PALLD: variants seen among roughly 807,000 people sequenced by gnomAD.
PALLD encodes palladin, cytoskeletal associated protein, also known as palladin.
Under a neutral mutation model 123.5 loss-of-function variants are expected in PALLD, and 61 were observed. The observed-to-expected ratio is 0.49, with a 90% CI of 0.40 to 0.61. PALLD has a LOEUF of 0.61. Ranked by LOEUF, PALLD falls within the 20% of genes least tolerant of loss-of-function variation. The probability of loss-of-function intolerance (pLI) is 0.00; values close to 1 mark genes in which losing one functional copy is unlikely to be tolerated. For synonymous variants in PALLD, 465 were observed against 496.4 expected, an observed-to-expected ratio of 0.94 and a Z score of 0.84; for missense variants, 1,273 against 1,377.0, an observed-to-expected ratio of 0.92 and a Z score of 1.20.
chr4:168,607,328 C>CA (rs1298536919), intron 2 of PALLD, among the ~76,000 whole-genome samples: 1 of 152,162 alleles, frequency 6.6e-6, no homozygotes, highest in African/African-American at 2.4e-5. Context: ...TATTAAAAAA[C>CA]AAACAATGAC....
chr4:168,649,026 A>G (rs1476421867), intron 2 of PALLD: 1 of 152,192 alleles, frequency 6.6e-6, no homozygotes, highest in Non-Finnish European at 1.5e-5. Context: ...GACTTCTTTT[A>G]CTTCTTCAAG....
At chr4:168,612,254 CAA>C (rs5863950) in intron 2 of PALLD, among the ~76,000 whole-genome samples, 17,983 of 127,054 alleles carry the variant, frequency 0.14, 1,137 homozygotes, top group African/African-American at 0.18. Context: ...TCTAGGTTTA[CAA>C]AAAAAAAAAA....
At chr4:168,815,242 T>G (rs1741739050) in intron 10 of PALLD, among the ~76,000 whole-genome samples, 1 of 152,258 alleles carries the variant, frequency 6.6e-6, no homozygotes, top group Non-Finnish European at 1.5e-5. Flanking sequence ...ATCATTTTCT[T>G]TTAGCAGAAT....
chr4:168,814,062 A>G (rs188567223), intron 10 of PALLD, among the ~76,000 whole-genome samples: 330 of 152,184 alleles, frequency 2.2e-3, no homozygotes, highest in African/African-American at 7.6e-3. Flanking sequence ...AGCAACAACA[A>G]AAAAATGTAT....
rs556028831 is a variant in PALLD at position 168,742,676 on chromosome 4, T to C, written c.1964+30753T>C. 5.3e-5 allele frequency among the ~76,000 whole-genome samples: 8 copies of C among 152,312 alleles called. No homozygotes were observed. The East Asian group carries it at 1.5e-3, about 29-fold the overall frequency. ...AATAATCAGAATTTTTTAGTAGTTT[T>C]CAGTATTTCAAAAGATCTAGTTCGT... On this transcript the variant is annotated intron_variant, in intron 10 of 21. Coordinates refer to ENST00000505667, the MANE Select transcript of PALLD (RefSeq NM_001166108.2).
chr4:168,831,696 G>C (rs1463416487), intron 10 of PALLD, among the ~76,000 whole-genome samples: 1 of 151,924 alleles, frequency 6.6e-6, no homozygotes, highest in Non-Finnish European at 1.5e-5. Context: ...CTGGAGTCGC[G>C]TTTATTGGAC....
intron 10 of PALLD, among the ~76,000 whole-genome samples, chr4:168,753,918 G>C (rs914105496): frequency 1.3e-5 from 2 of 152,188 alleles, no homozygotes; most frequent in African/African-American, 4.8e-5. Context: ...ATAAGAGACA[G>C]TTAATGCTTA....
In PALLD at chr4:168,591,492, A is replaced by G. The variant is rs568693447; in HGVS notation, c.909-76698A>G. The stretch of plus-strand genomic sequence containing the variant: ...ATGTGGGCATTAAAGACGTAAGTGC[A>G]TAGTATAACTCACACTTAGTAAAAA... On this transcript the variant is annotated intron_variant, in intron 2 of 21. Coordinates refer to ENST00000505667, the MANE Select transcript of PALLD (RefSeq NM_001166108.2). Among the ~76,000 whole-genome samples the G allele has an allele frequency of 2.6e-3, 401 of 152,332 alleles. 1 individual carries two copies. Among genetic ancestry groups the G allele is most frequent in the Non-Finnish European group, 4.8e-3 (325 of 68,036 alleles).
At chr4:168,816,444 G>C (rs897817795) in intron 10 of PALLD, among the ~76,000 whole-genome samples, 5 of 147,532 alleles carry the variant, frequency 3.4e-5, no homozygotes, top group African/African-American at 1.0e-4. Context: ...GGAGTGCTTG[G>C]CATGAATCAT....
intron 10 of PALLD, among the ~76,000 whole-genome samples, chr4:168,785,605 A>G (rs1736599186): frequency 6.6e-6 from 1 of 151,918 alleles, no homozygotes; most frequent in Admixed American, 6.6e-5. Flanking sequence ...TGAAAGTTCT[A>G]TATAAGCTTA....
In PALLD at chr4:168,878,393, G is replaced by A. The variant is rs1752125104; in HGVS notation, c.1965-12529G>A. ...GGGGCTGCCCAAGGGTGTCACCCCCGCGTGAGTAACCGCCGCGGTCCTCCA... is the reference window on the plus strand; with the variant it reads ...GGGGCTGCCCAAGGGTGTCACCCCCACGTGAGTAACCGCCGCGGTCCTCCA... On this transcript the variant is annotated intron_variant, in intron 10 of 21. Coordinates refer to ENST00000505667, the MANE Select transcript of PALLD (RefSeq NM_001166108.2). The A allele has an allele frequency of 4.0e-6, 6 of 1,487,730 alleles. No individual in the cohort carries two copies. The highest frequency in any genetic ancestry group is 4.4e-6 in the Non-Finnish European group (5 of 1,124,790). The allele number at this position is 1,487,730 out of a possible 1,614,324, so 92.2% of individuals were successfully genotyped here. A position where few individuals can be genotyped will look rare whatever the true frequency, so the allele number is the denominator to read the frequency against.
intron 2 of PALLD, among the ~76,000 whole-genome samples, chr4:168,616,792 TAAAGTTTGGGG>T (rs1167277384): frequency 1.3e-5 from 2 of 152,144 alleles, no homozygotes; most frequent in African/African-American, 4.8e-5. Context: ...CCTAAGACCC[TAAAGTTTGGGG>T]AATGACTACT....
intron 10 of PALLD, among the ~76,000 whole-genome samples, chr4:168,791,920 A>C (rs1737580778): frequency 6.6e-6 from 1 of 151,926 alleles, no homozygotes; most frequent in African/African-American, 2.4e-5. Context: ...GCAAACAAAC[A>C]AAAAAAACTG....
chr4:168,819,632 G>C (rs993377324), intron 10 of PALLD, among the ~76,000 whole-genome samples: 2 of 152,162 alleles, frequency 1.3e-5, no homozygotes, highest in Admixed American at 6.5e-5. Context: ...TAATTATAAA[G>C]AACTCCAAAT....
intron 10 of PALLD, chr4:168,828,836 G>A (rs1743786615): frequency 6.6e-6 from 1 of 152,280 alleles, no homozygotes; most frequent in Non-Finnish European, 1.5e-5. Flanking sequence ...GGCAGATACA[G>A]CCAGCGAAGC....
At chr4:168,895,890 A>G (rs1446598815) in intron 12 of PALLD, among the ~76,000 whole-genome samples, 1 of 152,200 alleles carries the variant, frequency 6.6e-6, no homozygotes, top group Admixed American at 6.5e-5. Flanking sequence ...TAAACTCATT[A>G]TAAGTTGAAA....
Position 168,878,515 on chromosome 4 carries a change from C to T in PALLD, c.1965-12407C>T, listed in dbSNP as rs1752151675. 3 of 658,526 alleles carry T rather than the reference C, an allele frequency of 4.6e-6. No individual in the cohort carries two copies. The South Asian group carries it at 8.3e-5, about 18-fold the overall frequency. The allele number at this position is 658,526 out of a possible 1,614,324, so 40.8% of individuals were successfully genotyped here. A position where few individuals can be genotyped will look rare whatever the true frequency, so the allele number is the denominator to read the frequency against. On this transcript the variant is annotated intron_variant, in intron 10 of 21. Coordinates refer to ENST00000505667, the MANE Select transcript of PALLD (RefSeq NM_001166108.2). The stretch of plus-strand genomic sequence containing the variant: ...AACCCAGAGCGCCCCAGTAACATTT[C>T]ACACATTTCTCTCCGTGCGATGTAA...
chr4:168,888,805 A>C (rs1753729702), intron 10 of PALLD, among the ~76,000 whole-genome samples: 1 of 152,172 alleles, frequency 6.6e-6, no homozygotes, highest in Non-Finnish European at 1.5e-5. Context: ...TGAAGGGTGA[A>C]CACTCAGCAA....
At chr4:168,841,453 C>T (rs1251812021) in intron 10 of PALLD, among the ~76,000 whole-genome samples, 2 of 152,202 alleles carry the variant, frequency 1.3e-5, no homozygotes, top group Non-Finnish European at 2.9e-5. Context: ...TTTGGGAAAG[C>T]AATTCCAATG....
Sources: allele counts gnomAD v4.1 joint callset (sites outside exome capture counted in the v4.1 genomes callset), GRCh38; gene constraint gnomAD v4.1.1; transcripts MANE v1.5; gene names NCBI Gene and HGNC (gene_info 2026-07-23, HGNC 2026-07-21).